The following MCPH1 variants were observed in gnomAD, a reference collection of about 807,000 sequenced individuals.
MCPH1 encodes microcephalin.
A neutral mutation model predicts 84.5 loss-of-function variants in MCPH1; 104 were observed. The ratio of observed to expected loss-of-function variants is 1.23; its 90% CI spans 1.05 to 1.45. The LOEUF (loss-of-function observed/expected upper bound fraction) is 1.45, where lower values mean the gene tolerates loss of function less well. Ranked by LOEUF, MCPH1 falls within the 40% of genes most tolerant of loss-of-function variation. MCPH1 has a pLI of 0.00. For synonymous variants in MCPH1, 514 were observed against 366.8 expected (o/e 1.40, Z -4.58); for missense variants, 1,498 against 1,005.7 (o/e 1.49, Z -6.62).
At chr8:6,600,914 A>T (rs1239880313) in intron 12 of MCPH1, among the ~76,000 whole-genome samples, 1 of 152,138 alleles carries the variant, frequency 6.6e-6, no homozygotes, top group Middle Eastern at 3.2e-3. Flanking sequence ...GGAGCATGGT[A>T]CTTAACACAC....
intron 6 of MCPH1, among the ~76,000 whole-genome samples, chr8:6,439,387 C>T (rs1463144880): frequency 6.8e-6 from 1 of 146,880 alleles, no homozygotes; most frequent in Non-Finnish European, 1.5e-5. Context: ...AAAAATGAAT[C>T]ATGTCTTTTT....
At chr8:6,414,477 C>T (rs1279773509) in intron 2 of MCPH1, among the ~76,000 whole-genome samples, 2 of 152,198 alleles carry the variant, frequency 1.3e-5, no homozygotes, top group Non-Finnish European at 2.9e-5. Context: ...GTGGTGCCTT[C>T]TCATGGCCAC....
chr8:6,626,704 C>A (rs1022756299), intron 13 of MCPH1: 11 of 985,144 alleles, frequency 1.1e-5, no homozygotes, highest in Non-Finnish European at 1.3e-5. Flanking sequence ...GAAACGAAGA[C>A]CCTGGGGTCT....
At chr8:6,412,838 T>A (rs1798729862) in intron 2 of MCPH1, among the ~76,000 whole-genome samples, 1 of 152,180 alleles carries the variant, frequency 6.6e-6, no homozygotes, top group Non-Finnish European at 1.5e-5. Flanking sequence ...GAGAGAGAGT[T>A]ATAAAAGTAA....
intron 3 of MCPH1, among the ~76,000 whole-genome samples, chr8:6,430,951 A>T (rs1801748682): frequency 6.6e-6 from 1 of 152,196 alleles, no homozygotes; most frequent in African/African-American, 2.4e-5. Flanking sequence ...ACGAAGGTGG[A>T]CAGGAGAAAT....
At chr8:6,633,452 A>G (rs1797310783) in intron 13 of MCPH1, among the ~76,000 whole-genome samples, 1 of 152,236 alleles carries the variant, frequency 6.6e-6, no homozygotes, top group Non-Finnish European at 1.5e-5. Flanking sequence ...CATGTAATAC[A>G]GGTTGAACAT....
At chr8:6,607,133 C>G (rs1192521025) in intron 12 of MCPH1, among the ~76,000 whole-genome samples, 1 of 152,228 alleles carries the variant, frequency 6.6e-6, no homozygotes, top group African/African-American at 2.4e-5. Flanking sequence ...GCCCCTCTCA[C>G]TTTCCCCTCC....
chr8:6,436,690 C>T (rs1443912705), intron 5 of MCPH1, among the ~76,000 whole-genome samples: 3 of 151,508 alleles, frequency 2.0e-5, no homozygotes, highest in South Asian at 2.1e-4. Context: ...ATATTATGGG[C>T]TGGGCACAGT....
rs144968708 is a variant in MCPH1, at chr8:6,476,610, C to A, written c.1936-984C>A. 1.8e-3 allele frequency among the ~76,000 whole-genome samples: 280 copies of A among 152,264 alleles called. 2 individuals carry two copies. Among genetic ancestry groups the A allele is most frequent in the African/African-American group, 6.4e-3 (268 of 41,556 alleles). On this transcript the variant is annotated intron_variant, in intron 9 of 13. Coordinates refer to ENST00000344683, the MANE Select transcript of MCPH1 (RefSeq NM_024596.5). Reference sequence around the variant, plus strand: ...GCAAATCAGATTCTGTTATCTTTCACCCAACAGAGACAAGATCTCTATAAA... The same window carrying A: ...GCAAATCAGATTCTGTTATCTTTCAACCAACAGAGACAAGATCTCTATAAA...
chr8:6,507,479 A>G (rs939772151), intron 12 of MCPH1: 4 of 152,036 alleles, frequency 2.6e-5, no homozygotes, highest in African/African-American at 9.7e-5. Context: ...AGCATTTGTC[A>G]CACTTTTTTC....
At chr8:6,489,585 A>G (rs765146856) in intron 11 of MCPH1, among the ~76,000 whole-genome samples, 2 of 152,224 alleles carry the variant, frequency 1.3e-5, no homozygotes, top group African/African-American at 2.4e-5. Context: ...CACTAGGGTT[A>G]TGTGTAATGG....
intron 9 of MCPH1, chr8:6,474,137 A>G (rs906732768): frequency 6.6e-6 from 5 of 759,636 alleles, no homozygotes; most frequent in Admixed American, 3.5e-5. Context: ...GTAATCAACA[A>G]TAACTCCACA....
chr8:6,555,996 G>A (rs1824544233), intron 12 of MCPH1, among the ~76,000 whole-genome samples: 1 of 152,150 alleles, frequency 6.6e-6, no homozygotes. Context: ...ATCGGAATCT[G>A]TCAAGTCTGC....
At chr8:6,412,523 T>C (rs2129551259) in intron 2 of MCPH1, among the ~76,000 whole-genome samples, 1 of 152,318 alleles carries the variant, frequency 6.6e-6, no homozygotes, top group Non-Finnish European at 1.5e-5. Context: ...TTTGAGATGA[T>C]TTAAAACCAG....
chr8:6,594,860 C>A (rs1303169730), intron 12 of MCPH1, among the ~76,000 whole-genome samples: 3 of 152,178 alleles, frequency 2.0e-5, no homozygotes, highest in Non-Finnish European at 4.4e-5. Context: ...GCACACCAGG[C>A]TGGGGAGGAC....
In MCPH1 at chr8:6,612,839, A is replaced by G. The variant is rs903236227; in HGVS notation, c.2215-8615A>G. Among the ~76,000 whole-genome samples the G allele has an allele frequency of 3.9e-5, 6 of 152,276 alleles. No individual in the cohort carries two copies. In the South Asian group the frequency reaches 1.2e-3, roughly 31 times the overall value. On this transcript the variant is annotated intron_variant, in intron 12 of 13. Transcript: ENST00000344683. Reference sequence around the variant, plus strand: ...TCGTGGGTGTGGTGGAAGCAAAGGCAGAGCGTGTGAGTTTAGTGGGCGTGC... The same window carrying G: ...TCGTGGGTGTGGTGGAAGCAAAGGCGGAGCGTGTGAGTTTAGTGGGCGTGC...
intron 12 of MCPH1, chr8:6,562,552 C>CTTCTTTTTTTTTTTTTT (rs1825700604): frequency 4.2e-5 from 3 of 71,754 alleles, no homozygotes; most frequent in African/African-American, 1.9e-4. Context: ...CATCCTCCTT[C>CTTCTTTTTTTTTTTTTT]TTTTTTTTTT....
At chr8:6,443,893 A>C (rs950921485) in intron 7 of MCPH1, among the ~76,000 whole-genome samples, 6 of 152,206 alleles carry the variant, frequency 3.9e-5, no homozygotes, top group African/African-American at 1.2e-4. Flanking sequence ...TAAGAGTTGA[A>C]ACATTAAAGC....
At chr8:6,461,895 T>G (rs1348208514) in intron 9 of MCPH1, among the ~76,000 whole-genome samples, 2 of 152,226 alleles carry the variant, frequency 1.3e-5, no homozygotes, top group African/African-American at 4.8e-5. Flanking sequence ...TCCAAGTATT[T>G]GGTTTATTCT....
Sources: allele counts gnomAD v4.1 joint callset (sites outside exome capture counted in the v4.1 genomes callset), GRCh38; gene constraint gnomAD v4.1.1; transcripts MANE v1.5; gene names NCBI Gene and HGNC (gene_info 2026-07-23, HGNC 2026-07-21).